CMPK1: variants seen among roughly 807,000 people sequenced by gnomAD.
CMPK1 encodes cytidine/uridine monophosphate kinase 1.
Under a neutral mutation model 25.7 loss-of-function variants are expected in CMPK1, and 10 were observed. The observed-to-expected ratio is 0.39, with a 90% CI of 0.24 to 0.66. CMPK1 has a LOEUF of 0.66. CMPK1 is among the 30% of genes least tolerant of loss of function. The pLI is 0.48. For synonymous variants in CMPK1, 106 were observed against 101.5 expected (o/e 1.04, Z -0.27); for missense variants, 199 against 280.5 (o/e 0.71, Z 2.08).
chr1:47,335,697 A>C (rs1646393149), intron 1 of CMPK1, among the ~76,000 whole-genome samples: 1 of 151,790 alleles, frequency 6.6e-6, no homozygotes, highest in Non-Finnish European at 1.5e-5. Flanking sequence ...CCAACTAAAA[A>C]AATACATAAC....
intron 4 of CMPK1, 64 bp from the exon 5 acceptor site, chr1:47,375,133 C>A (rs1646699185): frequency 7.4e-7 from 1 of 1,359,124 alleles, no homozygotes; most frequent in African/African-American, 1.4e-5. Context: ...TCTGTGAGCT[C>A]TCCTATAACA....
At chr1:47,347,065 G>A (rs140298298) in intron 1 of CMPK1, among the ~76,000 whole-genome samples, 41 of 152,266 alleles carry the variant, frequency 2.7e-4, no homozygotes, top group African/African-American at 9.4e-4. Flanking sequence ...TTATAGGCAT[G>A]AGCCATTGTG....
At chr1:47,365,489 C>G (rs1570375464) in intron 1 of CMPK1, among the ~76,000 whole-genome samples, 1 of 151,704 alleles carries the variant, frequency 6.6e-6, no homozygotes, top group East Asian at 1.9e-4. Context: ...CAAAAATTAG[C>G]TGGATGCAGT....
At position 47,334,033 on chromosome 1, in the gene CMPK1, C is replaced by T; in HGVS notation, c.88C>T (p.Pro30Ser). Residue 30 changes from proline (P) to serine (S), a missense_variant, in exon 1 of 6, where the codon CCA (proline) becomes TCA (serine). By Grantham distance (74) the Pro-to-Ser change is moderately conservative. This residue lies in a region of CMPK1 where 59 missense variants were observed against 45.1 expected (regional missense o/e 1.31). Coordinates refer to ENST00000371873, the MANE Select transcript of CMPK1 (RefSeq NM_016308.3). ...QTRRPILLCS[P>S]RLMKPLVVFV... ...CCGCCGGCCGATTCTCCTCTGCTCT[C>T]CACGTCTCATGAAGCCGCTGGTCGT... 6.4e-7 allele frequency: 1 copy of T among 1,556,038 alleles called. No homozygotes were observed. Among genetic ancestry groups the T allele is most frequent in the South Asian group, 1.2e-5 (1 of 84,528 alleles).
intron 1 of CMPK1, among the ~76,000 whole-genome samples, 181 bp from the exon 2 acceptor site, chr1:47,368,288 T>A (rs1405914257): frequency 6.6e-6 from 1 of 152,210 alleles, no homozygotes. Context: ...AATAAAGATA[T>A]CCATTAAGCA....
intron 4 of CMPK1, 97 bp from the exon 5 acceptor site, chr1:47,375,100 A>G (rs1354540892): frequency 1.6e-6 from 2 of 1,251,088 alleles, no homozygotes; most frequent in Admixed American, 1.7e-5. Flanking sequence ...TGTTAGGTCA[A>G]TCAGTCGGGG....
intron 1 of CMPK1, among the ~76,000 whole-genome samples, chr1:47,355,923 A>G (rs939876342): frequency 6.6e-6 from 1 of 152,152 alleles, no homozygotes; most frequent in African/African-American, 2.4e-5. Flanking sequence ...TTTATATGCA[A>G]TATATAGTAT....
intron 1 of CMPK1, among the ~76,000 whole-genome samples, chr1:47,338,428 TG>T (rs953399268): frequency 1.3e-5 from 2 of 152,130 alleles, no homozygotes; most frequent in Non-Finnish European, 2.9e-5. Flanking sequence ...AAGGAAAGAT[TG>T]GAGGGAGGTT....
At chr1:47,340,146 A>G (rs910871118) in intron 1 of CMPK1, among the ~76,000 whole-genome samples, 2 of 150,806 alleles carry the variant, frequency 1.3e-5, no homozygotes, top group Non-Finnish European at 1.5e-5. Flanking sequence ...CAGTGGCACA[A>G]TCGTGGCTCA....
intron 1 of CMPK1, among the ~76,000 whole-genome samples, chr1:47,337,270 G>A (rs1184131295): frequency 6.6e-6 from 1 of 152,032 alleles, no homozygotes; most frequent in East Asian, 1.9e-4. Flanking sequence ...GTGACATAGC[G>A]AGATTCCATC....
Position 47,375,952 on chromosome 1 carries a change from T to C in CMPK1, c.645+659T>C, listed in dbSNP as rs543909772. Among the ~76,000 whole-genome samples, 4 of 152,344 alleles carry C rather than the reference T, an allele frequency of 2.6e-5. No individual in the cohort carries two copies. In the East Asian group the frequency reaches 7.7e-4, roughly 29 times the overall value. On this transcript the variant is annotated intron_variant, in intron 5 of 5. Transcript: ENST00000371873. ...GGGAAGAAGATTCAGGGAATCTTTT[T>C]TTAATCCATTGACACTTTGTATAGA... is the stretch of plus-strand genomic sequence containing the variant.
intron 1 of CMPK1, among the ~76,000 whole-genome samples, chr1:47,360,568 T>G (rs186084950): frequency 6.6e-6 from 1 of 152,336 alleles, no homozygotes; most frequent in Admixed American, 6.5e-5. Context: ...CATCAAGTCA[T>G]TAAAGTCATA....
intron 1 of CMPK1, among the ~76,000 whole-genome samples, chr1:47,365,712 A>G (rs78339018): frequency 0.045 from 6,827 of 151,502 alleles, 495 homozygotes; most frequent in African/African-American, 0.16. Context: ...ACATTTGCCT[A>G]GTTGTAGTAA....
intron 1 of CMPK1, among the ~76,000 whole-genome samples, chr1:47,339,988 G>C (rs961478995): frequency 1.3e-5 from 2 of 151,280 alleles, no homozygotes; most frequent in Non-Finnish European, 2.9e-5. Flanking sequence ...AATTACAAGC[G>C]TGAGCCACCG....
intron 1 of CMPK1, among the ~76,000 whole-genome samples, chr1:47,361,806 G>T (rs1177349291): frequency 2.0e-5 from 3 of 148,180 alleles, no homozygotes; most frequent in African/African-American, 5.0e-5. Flanking sequence ...GTAATTGTCT[G>T]CAATTGAATG....
chr1:47,344,468 T>C (rs1158331249), intron 1 of CMPK1, among the ~76,000 whole-genome samples: 1 of 152,116 alleles, frequency 6.6e-6, no homozygotes, highest in East Asian at 1.9e-4. Context: ...ACTTTGCAGG[T>C]ATTAAAGTTC....
intron 1 of CMPK1, among the ~76,000 whole-genome samples, chr1:47,354,599 C>CTTT (rs34592236): frequency 4.9e-4 from 52 of 105,462 alleles, no homozygotes; most frequent in African/African-American, 9.7e-4. Context: ...TTGTGACTTG[C>CTTT]TTTTTTTTTT....
intron 1 of CMPK1, among the ~76,000 whole-genome samples, chr1:47,334,694 C>T (rs1163498116): frequency 1.3e-5 from 2 of 152,158 alleles, no homozygotes; most frequent in African/African-American, 2.4e-5. Context: ...GCCCCGTCCC[C>T]GCAAGCTTTA....
chr1:47,339,867 G>A (rs1009448425), intron 1 of CMPK1, among the ~76,000 whole-genome samples: 3 of 151,518 alleles, frequency 2.0e-5, no homozygotes, highest in East Asian at 3.9e-4. Context: ...ACCACAACGC[G>A]TGGCTAATTT....
Sources: gnomAD v4.1 joint callset for allele counts (sites outside exome capture counted in the v4.1 genomes callset) on GRCh38, gnomAD v4.1.1 for gene constraint, gnomAD v4.1.1 regional missense constraint, MANE v1.5 for transcripts, NCBI Gene and HGNC (gene_info 2026-07-23, HGNC 2026-07-21) for gene names.